DST: variants seen among roughly 807,000 people sequenced by gnomAD.
DST encodes the protein dystonin, also known as bullous pemphigoid antigen.
In DST, 253 loss-of-function variants were observed where a neutral mutation model predicts 875.2. The ratio of observed to expected loss-of-function variants is 0.29; its 90% CI spans 0.26 to 0.32. The LOEUF is 0.32. DST is among the 10% of genes least tolerant of loss of function. The probability of loss-of-function intolerance (pLI) is 1.00; values close to 1 mark genes in which losing one functional copy is unlikely to be tolerated. For missense variants in DST, 8,287 were observed against 9,111.6 expected (o/e 0.91, Z 3.68); for synonymous variants, 3,124 against 3,197.1 (o/e 0.98, Z 0.77).
At chr6:56,672,477 A>C (rs2099106704) in intron 9 of DST, among the ~76,000 whole-genome samples, 1 of 152,210 alleles carries the variant, frequency 6.6e-6, no homozygotes, top group South Asian at 2.1e-4. Context: ...TAGTACACAT[A>C]GAAGAAATTT....
At chr6:56,742,186 C>T (rs2099549377) in intron 4 of DST, 12 of 803,820 alleles carry the variant, frequency 1.5e-5, no homozygotes, top group Admixed American at 2.3e-5. Flanking sequence ...GCTGAACTAT[C>T]GCCATGCAAA....
chr6:56,565,108 TTTTC>T (rs1418638869), intron 55 of DST, among the ~76,000 whole-genome samples: 19 of 151,216 alleles, frequency 1.3e-4, no homozygotes, highest in African/African-American at 3.6e-4. Context: ...CCTCTTTCTC[TTTTC>T]TTTTTTTTTT....
intron 9 of DST, among the ~76,000 whole-genome samples, chr6:56,687,549 T>C (rs1162647334): frequency 6.6e-6 from 1 of 152,134 alleles, no homozygotes; most frequent in Non-Finnish European, 1.5e-5. Flanking sequence ...CTGAGAACGG[T>C]GCCTGCCCCA....
intron 4 of DST, among the ~76,000 whole-genome samples, chr6:56,829,574 A>G (rs2099784717): frequency 6.6e-6 from 1 of 152,206 alleles, no homozygotes; most frequent in Non-Finnish European, 1.5e-5. Context: ...ACAAAAAATT[A>G]AAACCATGAA....
At chr6:56,952,373 T>C (rs1822798895) in intron 2 of DST, among the ~76,000 whole-genome samples, 1 of 152,224 alleles carries the variant, frequency 6.6e-6, no homozygotes, top group Non-Finnish European at 1.5e-5. Flanking sequence ...TATCTCTTTT[T>C]AAAATCAAAA....
chr6:56,747,285 T>C (rs2099575496), intron 4 of DST, among the ~76,000 whole-genome samples: 1 of 152,196 alleles, frequency 6.6e-6, no homozygotes, highest in Non-Finnish European at 1.5e-5. Flanking sequence ...AATGCTTTTT[T>C]GTGTATCTCC....
In DST at chr6:56,827,424, T is replaced by G. The variant is rs145445396; in HGVS notation, c.625+23973A>C. 2.1e-3 allele frequency among the ~76,000 whole-genome samples: 317 copies of G among 148,392 alleles called. 1 individual carries two copies. The highest frequency in any genetic ancestry group is 1.7e-3 in the Non-Finnish European group (114 of 67,468). ...AGCTACTCAGGAAGCTGAGAATCAC[T>G]TGAACCCAGAAGGCGGAGGTTGCAG... is the stretch of plus-strand genomic sequence containing the variant. On this transcript the variant is annotated intron_variant, in intron 4 of 103. Coordinates refer to ENST00000680361, the MANE Select transcript of DST (RefSeq NM_001374736.1).
intron 2 of DST, 43 bp from the exon 3 acceptor site, chr6:56,900,664 A>T: frequency 7.5e-7 from 1 of 1,338,664 alleles, no homozygotes; most frequent in Non-Finnish European, 1.0e-6. Flanking sequence ...ATTTGTATTG[A>T]GTTAGTCTGG....
chr6:56,673,082 C>T (rs1436730061), intron 9 of DST, among the ~76,000 whole-genome samples: 1 of 151,794 alleles, frequency 6.6e-6, no homozygotes, highest in African/African-American at 2.4e-5. Context: ...TAGTGAGACC[C>T]TGTCTCTATT....
At chr6:56,473,600 T>C (rs2095013492) in intron 93 of DST, among the ~76,000 whole-genome samples, 1 of 152,194 alleles carries the variant, frequency 6.6e-6, no homozygotes, top group African/African-American at 2.4e-5. Context: ...TGATTTCCAT[T>C]CTTACTGTAA....
chr6:56,735,419 A>C, intron 4 of DST, 130 bp from the exon 5 acceptor site: 1 of 664,996 alleles, frequency 1.5e-6, no homozygotes, highest in Non-Finnish European at 2.5e-6. Flanking sequence ...TTTCTTGTTA[A>C]ATTTTGGCAA....
intron 57 of DST, 120 bp downstream of exon 57, chr6:56,561,188 G>T: frequency 2.7e-6 from 3 of 1,108,526 alleles, no homozygotes; most frequent in Non-Finnish European, 3.7e-6. Context: ...TGTCAATTAT[G>T]TGCTAAAGGT....
chr6:56,613,357 C>G (rs186332304), intron 37 of DST, among the ~76,000 whole-genome samples: 2 of 152,280 alleles, frequency 1.3e-5, no homozygotes, highest in East Asian at 3.9e-4. Context: ...GGTCTGTAAA[C>G]TTCTCCAAGA....
At chr6:56,464,802 T>C in intron 99 of DST, 46 bp from the exon 100 acceptor site, 1 of 1,400,448 alleles carries the variant, frequency 7.1e-7, no homozygotes, top group Non-Finnish European at 9.9e-7. Flanking sequence ...AGAATACTGT[T>C]AGCAGAAGAA....
chr6:56,780,146 T>C (rs1032375147), intron 4 of DST, among the ~76,000 whole-genome samples: 2 of 151,938 alleles, frequency 1.3e-5, no homozygotes, highest in Non-Finnish European at 2.9e-5. Context: ...TTGGGTTGGT[T>C]CCAAGTCTTT....
chr6:56,720,406 G>A (rs2099410501), intron 5 of DST, among the ~76,000 whole-genome samples: 1 of 150,788 alleles, frequency 6.6e-6, no homozygotes, highest in Non-Finnish European at 1.5e-5. Flanking sequence ...TCGGAGAGAG[G>A]GATTTGGCAG....
chr6:56,469,847 C>T (rs1387693967), intron 97 of DST, 36 bp downstream of exon 97: 1 of 1,543,978 alleles, frequency 6.5e-7, no homozygotes, highest in Non-Finnish European at 9.0e-7. Flanking sequence ...AATTTATGTC[C>T]TTTAAAGGAA....
intron 4 of DST, among the ~76,000 whole-genome samples, chr6:56,844,728 C>G (rs950136834): frequency 2.0e-5 from 3 of 152,058 alleles, no homozygotes; most frequent in African/African-American, 7.2e-5. Context: ...CAAAATTTAG[C>G]CGGGCGTGGT....
At chr6:56,739,477 G>A (rs1166742379) in intron 4 of DST, among the ~76,000 whole-genome samples, 2 of 152,054 alleles carry the variant, frequency 1.3e-5, no homozygotes, top group Non-Finnish European at 2.9e-5. Context: ...AATGAGTCCA[G>A]TGCTATGGTG....
Sources: allele counts gnomAD v4.1 joint callset (sites outside exome capture counted in the v4.1 genomes callset), GRCh38; gene constraint gnomAD v4.1.1; transcripts MANE v1.5; gene names NCBI Gene and HGNC (gene_info 2026-07-23, HGNC 2026-07-21).